The following DLEC1 variants were observed in gnomAD, a reference collection of about 807,000 sequenced individuals.
DLEC1 encodes DLEC1 cilia and flagella associated protein.
A neutral mutation model predicts 198.1 loss-of-function variants in DLEC1; 146 were observed. The ratio of observed to expected loss-of-function variants is 0.74; its 90% CI spans 0.64 to 0.85. DLEC1 has a LOEUF of 0.85. Among genes scored for constraint, DLEC1 ranks in the 40% least tolerant of loss-of-function variants. The probability of loss-of-function intolerance (pLI) is 0.00; values close to 1 mark genes in which losing one functional copy is unlikely to be tolerated. For synonymous variants in DLEC1, 897 were observed against 866.8 expected, an observed-to-expected ratio of 1.03 and a Z score of -0.61; for missense variants, 2,233 against 2,220.0, an observed-to-expected ratio of 1.01 and a Z score of -0.12.
At chr3:38,082,417 C>T (rs564737872) in intron 6 of DLEC1, among the ~76,000 whole-genome samples, 50 of 151,862 alleles carry the variant, frequency 3.3e-4, no homozygotes, top group African/African-American at 2.4e-4. Context: ...AGGCTGCAAT[C>T]TCGGCACTTT....
rs751554965 is a variant in DLEC1, at chr3:38,086,328, G to A, written c.1523G>A (p.Gly508Asp). Residue 508 changes from glycine to aspartate, a missense_variant, in exon 9 of 37, where the codon GGC becomes GAC. Transcript: ENST00000308059. ...FICKNVGFSVGRFCIMPKTSW... is the reference protein window; with the variant it reads ...FICKNVGFSVDRFCIMPKTSW... ...TGCAAAAATGTGGGTTTCAGTGTTG[G>A]CAGGTTCTGCATTATGCCCAAAACA... 1 of 1,613,030 alleles carries A rather than the reference G, an allele frequency of 6.2e-7. No individual in the cohort carries two copies. The highest frequency in any genetic ancestry group is 8.5e-7 in the Non-Finnish European group (1 of 1,179,432).
At chr3:38,104,015 T>C (rs1293943677) in intron 19 of DLEC1, among the ~76,000 whole-genome samples, 2 of 152,174 alleles carry the variant, frequency 1.3e-5, no homozygotes, top group Non-Finnish European at 2.9e-5. Context: ...GACATGCAAT[T>C]GGAAAAATGA....
At chr3:38,107,856 A>G (rs2125717180) in intron 20 of DLEC1, 119 bp downstream of exon 20, 6 of 1,178,492 alleles carry the variant, frequency 5.1e-6, no homozygotes, top group Non-Finnish European at 7.1e-6. Context: ...CCTCCCTCCC[A>G]CAGCCTGTCC....
intron 27 of DLEC1, among the ~76,000 whole-genome samples, chr3:38,115,283 C>G (rs530108566): frequency 6.2e-4 from 94 of 152,330 alleles, no homozygotes; most frequent in Non-Finnish European, 8.5e-4. Flanking sequence ...ATTCCTCCAG[C>G]CGGCAGGACC....
Position 38,076,394 on chromosome 3 carries a change from T to C in DLEC1, c.1174-7764T>C, listed in dbSNP as rs368540324. Among the ~76,000 whole-genome samples, 230 of 151,526 alleles carry C rather than the reference T, an allele frequency of 1.5e-3. 1 individual carries two copies. The highest frequency in any genetic ancestry group is 6.8e-3 in the Middle Eastern group (2 of 294). ...GGGCTGAGTCTGAAAAGAGAGTCAGTGAAGGGAGATGGGGTGGGGCTGTTT... is the reference window on the plus strand; with the variant it reads ...GGGCTGAGTCTGAAAAGAGAGTCAGCGAAGGGAGATGGGGTGGGGCTGTTT... On this transcript the variant is annotated intron_variant, in intron 6 of 36. Coordinates refer to ENST00000308059, the MANE Select transcript of DLEC1 (RefSeq NM_007335.4).
chr3:38,112,345 A>G lies in DLEC1; in HGVS notation c.3650A>G (p.Asp1217Gly). The change falls in exon 25 of 37, where the codon GAC becomes GGC. Residue 1217 changes from aspartate (D) to glycine (G), a missense_variant. Physicochemically the swap from Asp to Gly is moderately conservative, Grantham distance 94. Transcript: ENST00000308059. This position sits in a 1 kb window ranked among gnomAD's most constrained non-coding sequence, Gnocchi z 4.8. ...GCANMWGEYWDNLICTVGDLL... is the reference protein window; with the variant it reads ...GCANMWGEYWGNLICTVGDLL... ...GCCAACATGTGGGGCGAGTACTGGG[A>G]CAACCTCATCTGCACGGTAAGGGTA... is the stretch of plus-strand genomic sequence containing the variant. 1 of 1,614,060 alleles carries G rather than the reference A, an allele frequency of 6.2e-7. No individual in the cohort carries two copies. Among genetic ancestry groups the G allele is most frequent in the Non-Finnish European group, 8.5e-7 (1 of 1,179,982 alleles).
intron 12 of DLEC1, 51 bp downstream of exon 12, chr3:38,093,818 C>T: frequency 2.5e-6 from 4 of 1,603,202 alleles, no homozygotes; most frequent in South Asian, 1.1e-5. Context: ...TCTTGCTTAC[C>T]TGGCCCTCAG....
chr3:38,113,081 G>C (rs1305459148), intron 25 of DLEC1, among the ~76,000 whole-genome samples: 1 of 152,188 alleles, frequency 6.6e-6, no homozygotes, highest in Non-Finnish European at 1.5e-5. Context: ...CTGGGGAAGA[G>C]TATCCCAAGT....
At chr3:38,040,047 G>C (rs1175340111) in intron 1 of DLEC1, among the ~76,000 whole-genome samples, 1 of 152,128 alleles carries the variant, frequency 6.6e-6, no homozygotes, top group Non-Finnish European at 1.5e-5. Context: ...TTTAGGAAGC[G>C]TGTCTAGCCT....
chr3:38,092,898 C>T lies in DLEC1; in HGVS notation c.1756+18C>T. 6.2e-7 allele frequency: 1 copy of T among 1,613,518 alleles called. No homozygotes were observed. The highest frequency in any genetic ancestry group is 2.2e-5 in the East Asian group (1 of 44,876). Reference sequence around the variant, plus strand: ...GACCATAGGTGGGCTTGAGTGTACTCCCAGGGGCAAGGCTGGAGAGGCTGC... The same window carrying T: ...GACCATAGGTGGGCTTGAGTGTACTTCCAGGGGCAAGGCTGGAGAGGCTGC... On this transcript the variant is annotated intron_variant, in intron 11 of 36. Coordinates refer to ENST00000308059, the MANE Select transcript of DLEC1 (RefSeq NM_007335.4).
chr3:38,082,361 A>T (rs1320294550), intron 6 of DLEC1, among the ~76,000 whole-genome samples: 1 of 139,840 alleles, frequency 7.2e-6, no homozygotes, highest in East Asian at 2.3e-4. Context: ...ATGGGCGGCC[A>T]GGCAGAGACA....
chr3:38,123,439 A>G lies in DLEC1; in HGVS notation c.*1027A>G, dbSNP rs1700587992. 9 of 248,860 alleles carry G rather than the reference A, an allele frequency of 3.6e-5. No homozygotes were observed. The Admixed American group carries it at 4.3e-4, about 12-fold the overall frequency. 15.4% of individuals were successfully genotyped at this position (248,860 alleles called of 1,614,324 possible). On this transcript the variant is annotated 3_prime_UTR_variant, in exon 37 of 37. Transcript: ENST00000308059. ...CCCAAAAGACACAATCCCAAACACA[A>G]TCATCCCAAATGTTGAAATCCTGGA...
rs1313532931 is a variant in DLEC1 at position 38,122,108 on chromosome 3, G to A, written c.5058G>A (p.Arg1686=). 6.2e-7 allele frequency: 1 copy of A among 1,613,938 alleles called. No homozygotes were observed. The highest frequency in any genetic ancestry group is 8.5e-7 in the Non-Finnish European group (1 of 1,179,964). ...CAGCCAAGGCCGCTGTGGCCTTCAG[G>A]GTCTCCCCAAACAGTGGGCTGCTAG... ...QEPAKAAVAF[R]VSPNSGLLEA... The change falls in exon 36 of 37, where the codon AGG becomes AGA. Residue 1686 remains arginine (R), a synonymous_variant. Transcript: ENST00000308059.
chr3:38,117,833 C>G lies in DLEC1; in HGVS notation c.4513C>G (p.His1505Asp), dbSNP rs1209575612. Residue 1505 changes from histidine (H) to aspartate (D), a missense_variant, in exon 33 of 37, where the codon CAC (histidine) becomes GAC (aspartate). His to Asp is a moderately conservative substitution (Grantham distance 81). Coordinates refer to ENST00000308059, the MANE Select transcript of DLEC1 (RefSeq NM_007335.4). Reference sequence around the variant, plus strand: ...GCTGAGTGAGCTGGTGACCACCCACCACCTGAAGCTGACCAACACTACAGA... The same window carrying G: ...GCTGAGTGAGCTGGTGACCACCCACGACCTGAAGCTGACCAACACTACAGA... The part of the protein sequence containing the change: ...GVLSELVTTH[H>D]LKLTNTTEIP... The G allele has an allele frequency of 6.2e-7, 1 of 1,614,020 alleles. No individual in the cohort carries two copies. The highest frequency in any genetic ancestry group is 1.3e-5 in the African/African-American group (1 of 74,904).
chr3:38,116,630 CG>C lies in DLEC1; in HGVS notation c.4036del (p.Glu1346AsnfsTer85). Reference protein sequence around the residue: ...LLWSPGPSSSSEFSHETDSSV... With the variant: ...LLWSPGPSSSXEFSHETDSSV... Reference sequence around the variant, plus strand: ...TGGTCCCCAGGCCCCTCCAGTTCATCGGAATTCAGCCATGAAACTGACTCAT... The same window carrying C: ...TGGTCCCCAGGCCCCTCCAGTTCATCGAATTCAGCCATGAAACTGACTCAT... On this transcript the variant is annotated frameshift_variant, in exon 28 of 37. Transcript: ENST00000308059. LOFTEE classifies it high-confidence loss of function. 1.9e-6 allele frequency: 3 copies of C among 1,614,044 alleles called. No homozygotes were observed. The highest frequency in any genetic ancestry group is 2.5e-6 in the Non-Finnish European group (3 of 1,179,976).
rs1321463552 is a variant in DLEC1 at position 38,062,568 on chromosome 3, G to A, written c.874-13G>A. 3.7e-6 allele frequency: 6 copies of A among 1,613,738 alleles called. No homozygotes were observed. The South Asian group carries it at 4.4e-5, about 12-fold the overall frequency. On this transcript the variant is annotated splice_polypyrimidine_tract_variant and intron_variant, in intron 4 of 36. Coordinates refer to ENST00000308059, the MANE Select transcript of DLEC1 (RefSeq NM_007335.4). ...TGCCTGTCATTGACTCTATGCTTTT[G>A]TATGTTTCAAAGAAAGCAAGTCAAC... is the stretch of plus-strand genomic sequence containing the variant.
At chr3:38,062,506 A>T (rs1399008766) in intron 4 of DLEC1, 75 bp from the exon 5 acceptor site, 73 of 1,583,262 alleles carry the variant, frequency 4.6e-5, no homozygotes, top group Non-Finnish European at 6.0e-5. Context: ...TCTATGGGTC[A>T]TGCAGTTGGT....
chr3:38,061,565 G>A (rs754811794), intron 3 of DLEC1, among the ~76,000 whole-genome samples: 22 of 152,202 alleles, frequency 1.4e-4, no homozygotes, highest in Admixed American at 1.4e-3. Context: ...GCATGCTCAT[G>A]TATGGGGTAT....
intron 21 of DLEC1, 63 bp from the exon 22 acceptor site, chr3:38,109,369 C>A: frequency 6.2e-7 from 1 of 1,600,866 alleles, no homozygotes; most frequent in Non-Finnish European, 8.5e-7. Context: ...CTGCGGAAGA[C>A]CATCTGGGCT....
Sources: allele counts gnomAD v4.1 joint callset (sites outside exome capture counted in the v4.1 genomes callset), GRCh38; gene constraint gnomAD v4.1.1; non-coding constraint Gnocchi (gnomAD v3.1); transcripts MANE v1.5; gene names NCBI Gene and HGNC (gene_info 2026-07-23, HGNC 2026-07-21).